Variants in RASGRP1 observed in about 807,000 individuals in gnomAD.
The protein encoded by RASGRP1 is RAS guanyl releasing protein 1, also known as RAS guanyl-releasing protein 1.
RASGRP1 carries 37 observed loss-of-function variants against 95.1 expected under a neutral mutation model. That is an observed-to-expected ratio of 0.39 (90% CI 0.30 to 0.51). RASGRP1 has a LOEUF of 0.51. Ranked by LOEUF, RASGRP1 falls within the 20% of genes least tolerant of loss-of-function variation. The pLI is 0.80. For synonymous variants in RASGRP1, 325 were observed against 353.4 expected, an observed-to-expected ratio of 0.92 and a Z score of 0.90; for missense variants, 711 against 965.4, an observed-to-expected ratio of 0.74 and a Z score of 3.49.
rs1555405014 is a variant in RASGRP1, at chr15:38,557,601, A to ATATG, written c.220+2219_220+2220insCATA. Among the ~76,000 whole-genome samples the ATATG allele has an allele frequency of 9.6e-5, 14 of 145,292 alleles. No homozygotes were observed. The East Asian group carries it at 1.2e-3, about 13-fold the overall frequency. ...TTATCACCCTGTCCTTTGTATATAT[A>ATATG]TGTGTGTGTGTGTGTGTGTGTGTGT... On this transcript the variant is annotated intron_variant, in intron 2 of 16. Coordinates refer to ENST00000310803, the MANE Select transcript of RASGRP1 (RefSeq NM_005739.4).
At chr15:38,563,525 A>T (rs1266731504) in intron 1 of RASGRP1, among the ~76,000 whole-genome samples, 1 of 152,228 alleles carries the variant, frequency 6.6e-6, no homozygotes, top group Non-Finnish European at 1.5e-5. Context: ...GAAAAGTAAG[A>T]GATGAAATGG....
In RASGRP1 at chr15:38,513,527, A is replaced by G. The variant is rs76265367; in HGVS notation, c.676-571T>C. 2.4e-3 allele frequency among the ~76,000 whole-genome samples: 360 copies of G among 152,326 alleles called. 2 individuals are homozygous for G. Among genetic ancestry groups the G allele is most frequent in the African/African-American group, 8.1e-3 (337 of 41,576 alleles). ...GTAGTTATGAACCTTATGCTAATAC[A>G]AGCCTGTTTGTATTTCCTTCTACTC... On this transcript the variant is annotated intron_variant, in intron 6 of 16. Coordinates refer to ENST00000310803, the MANE Select transcript of RASGRP1 (RefSeq NM_005739.4).
At chr15:38,548,185 A>G (rs1040435741) in intron 2 of RASGRP1, among the ~76,000 whole-genome samples, 1 of 152,240 alleles carries the variant, frequency 6.6e-6, no homozygotes, top group African/African-American at 2.4e-5. Context: ...AAGAAAATTT[A>G]GAGAAATTTC....
intron 2 of RASGRP1, among the ~76,000 whole-genome samples, chr15:38,555,950 G>A (rs1490012830): frequency 6.6e-6 from 1 of 152,106 alleles, no homozygotes; most frequent in Non-Finnish European, 1.5e-5. Context: ...TTGAGAGGGA[G>A]ATAAGGAAAG....
rs147567270 is a variant in RASGRP1, at chr15:38,509,452, C to T, written c.967-1451G>A. Among the ~76,000 whole-genome samples, 691 of 152,252 alleles carry T rather than the reference C, an allele frequency of 4.5e-3. 6 individuals are homozygous for T. Among genetic ancestry groups the T allele is most frequent in the African/African-American group, 0.016 (666 of 41,532 alleles). ...TTTTAAAACTTATGAATTGGCCAGG[C>T]GTGGTGGTTCATGCCTGTAATCCCA... On this transcript the variant is annotated intron_variant, in intron 8 of 16. Coordinates refer to ENST00000310803, the MANE Select transcript of RASGRP1 (RefSeq NM_005739.4).
chr15:38,553,077 G>A (rs1310337039), intron 2 of RASGRP1, among the ~76,000 whole-genome samples: 2 of 152,158 alleles, frequency 1.3e-5, no homozygotes, highest in African/African-American at 4.8e-5. Flanking sequence ...CCAAGCATGG[G>A]AACCTGTGGG....
intron 10 of RASGRP1, among the ~76,000 whole-genome samples, chr15:38,505,383 C>T (rs59254910): frequency 0.16 from 24,563 of 152,130 alleles, 2,190 homozygotes; most frequent in East Asian, 0.41. Flanking sequence ...TATCTACCAA[C>T]CTGGAAATCT....
At chr15:38,522,478 T>C (rs1892040013) in intron 3 of RASGRP1, among the ~76,000 whole-genome samples, 1 of 152,172 alleles carries the variant, frequency 6.6e-6, no homozygotes, top group Non-Finnish European at 1.5e-5. Context: ...TCAATGCAGA[T>C]TACATCCAGG....
intron 2 of RASGRP1, among the ~76,000 whole-genome samples, chr15:38,550,168 T>C (rs1268759814): frequency 1.4e-5 from 2 of 146,672 alleles, no homozygotes; most frequent in Non-Finnish European, 3.0e-5. Flanking sequence ...GAGAATCACT[T>C]GAACCCAGGA....
At chr15:38,525,455 G>A (rs755875109) in intron 3 of RASGRP1, among the ~76,000 whole-genome samples, 1 of 152,154 alleles carries the variant, frequency 6.6e-6, no homozygotes, top group Non-Finnish European at 1.5e-5. Flanking sequence ...TTATTTATGT[G>A]CACTTCTCGC....
At chr15:38,545,971 C>G (rs1295963312) in intron 2 of RASGRP1, among the ~76,000 whole-genome samples, 1 of 152,164 alleles carries the variant, frequency 6.6e-6, no homozygotes, top group Non-Finnish European at 1.5e-5. Flanking sequence ...TTATAACACT[C>G]TCTTCTAGTC....
intron 2 of RASGRP1, among the ~76,000 whole-genome samples, chr15:38,538,858 A>G (rs542785051): frequency 1.3e-5 from 2 of 152,324 alleles, no homozygotes; most frequent in South Asian, 4.1e-4. Flanking sequence ...AACTGAGTTC[A>G]CACCACGGAT....
chr15:38,519,585 C>T (rs1265942943), intron 3 of RASGRP1, among the ~76,000 whole-genome samples: 1 of 152,290 alleles, frequency 6.6e-6, no homozygotes, highest in South Asian at 2.1e-4. Context: ...GTAATTTTCT[C>T]TCCAGCCCAC....
chr15:38,560,610 T>C lies in RASGRP1; in HGVS notation c.36-605A>G, dbSNP rs79543334. Among the ~76,000 whole-genome samples, 19 of 152,282 alleles carry C rather than the reference T, an allele frequency of 1.2e-4. No individual in the cohort carries two copies. The East Asian group carries it at 3.7e-3, about 29-fold the overall frequency. ...AGACTGAGGACTCAAGTGCAGGAAG[T>C]GAGGGGTGATGATGGTGGTGTTTAG... On this transcript the variant is annotated intron_variant, in intron 1 of 16. Transcript: ENST00000310803.
intron 6 of RASGRP1, among the ~76,000 whole-genome samples, 163 bp from the exon 7 acceptor site, chr15:38,513,119 C>G (rs1420024450): frequency 6.6e-6 from 1 of 152,238 alleles, no homozygotes; most frequent in Non-Finnish European, 1.5e-5. Flanking sequence ...CACTTGCCAA[C>G]AAGCATGATG....
intron 2 of RASGRP1, among the ~76,000 whole-genome samples, chr15:38,546,175 G>T (rs536312378): frequency 7.2e-5 from 11 of 152,278 alleles, no homozygotes; most frequent in Non-Finnish European, 1.3e-4. Context: ...ATGTACTGCA[G>T]ATTGGAATTT....
At chr15:38,516,126 G>A (rs1891773761) in intron 6 of RASGRP1, 71 bp downstream of exon 6, 3 of 1,491,440 alleles carry the variant, frequency 2.0e-6, no homozygotes, top group South Asian at 1.2e-5. Context: ...AAGCGGATGG[G>A]CTGTTGAATT....
At position 38,494,386 on chromosome 15, in the gene RASGRP1, T is replaced by G. The variant is rs1890714894; in HGVS notation, c.2255A>C (p.Glu752Ala). Residue 752 changes from glutamate (E) to alanine (A), a missense_variant, in exon 16 of 17, where the codon GAA becomes GCA. Physicochemically the swap from Glu to Ala is moderately radical, Grantham distance 107. Around this residue, in one of 3 missense-constraint regions of RASGRP1, gnomAD observed 212 missense variants for 247.8 expected, o/e 0.86. Transcript: ENST00000310803. ...HLRLPTYQEL[E>A]QEINTLKADN... ...GGAAAATGAAAAGGAAGGTACCTGT[T>G]CCAGTTCTTGGTAGGTAGGCAGTCT... 6.2e-7 allele frequency: 1 copy of G among 1,613,800 alleles called. No individual in the cohort carries two copies. Among genetic ancestry groups the G allele is most frequent in the South Asian group, 1.1e-5 (1 of 91,012 alleles).
chr15:38,500,044 T>C (rs1226687929), intron 14 of RASGRP1, 59 bp downstream of exon 14: 3 of 1,550,272 alleles, frequency 1.9e-6, no homozygotes, highest in Non-Finnish European at 2.7e-6. Context: ...GGCAGTTCTC[T>C]ATAGCAGCGT....
Sources: gnomAD v4.1 joint callset for allele counts (sites outside exome capture counted in the v4.1 genomes callset) on GRCh38, gnomAD v4.1.1 for gene constraint, gnomAD v4.1.1 regional missense constraint, MANE v1.5 for transcripts, NCBI Gene and HGNC (gene_info 2026-07-23, HGNC 2026-07-21) for gene names.